SRL: variants seen among roughly 807,000 people sequenced by gnomAD.
The protein encoded by SRL is sarcalumenin.
SRL carries 23 observed loss-of-function variants against 39.5 expected under a neutral mutation model. The ratio of observed to expected loss-of-function variants is 0.58; its 90% CI spans 0.42 to 0.82. The LOEUF (loss-of-function observed/expected upper bound fraction) is 0.82. Among genes scored for constraint, SRL ranks in the 40% least tolerant of loss-of-function variants. The probability of loss-of-function intolerance (pLI) is 0.00; values close to 1 mark genes in which losing one functional copy is unlikely to be tolerated. For synonymous variants in SRL, 272 were observed against 237.4 expected (o/e 1.15, Z -1.34); for missense variants, 592 against 607.8 (o/e 0.97, Z 0.27).
chr16:4,192,348 G>A lies in SRL; in HGVS notation c.1227C>T (p.Pro409=). 2 of 1,614,184 alleles carry A rather than the reference G, an allele frequency of 1.2e-6. No homozygotes were observed. Among genetic ancestry groups the A allele is most frequent in the Non-Finnish European group, 1.7e-6 (2 of 1,180,036 alleles). Residue 409 remains proline, a synonymous_variant, in exon 6 of 6, where the codon CCC becomes CCT. Coordinates refer to ENST00000399609, the MANE Select transcript of SRL (RefSeq NM_001098814.2). The surrounding 1 kb of genome is among the most constrained non-coding windows in gnomAD (Gnocchi z 4.0). ...EAYKDFFGIN[P]ISSFKLLSQQ... Reference sequence around the variant, plus strand: ...GGGAGAGCAGTTTGAAACTGGAAATGGGATTGATGCCGAAGAAGTCCTTAT... The same window carrying A: ...GGGAGAGCAGTTTGAAACTGGAAATAGGATTGATGCCGAAGAAGTCCTTAT...
rs2052081085 is a variant in SRL at position 4,192,552 on chromosome 16, G to A, written c.1023C>T (p.Arg341=). 6.2e-7 allele frequency: 1 copy of A among 1,614,198 alleles called. No homozygotes were observed. The highest frequency in any genetic ancestry group is 8.5e-7 in the Non-Finnish European group (1 of 1,180,036). The change falls in exon 6 of 6, where the codon CGC becomes CGT. Residue 341 remains arginine (R), a synonymous_variant. Coordinates refer to ENST00000399609, the MANE Select transcript of SRL (RefSeq NM_001098814.2). The surrounding 1 kb of genome is among the most constrained non-coding windows in gnomAD (Gnocchi z 4.0). ...AGCGGTCAACCAGGAGGGCGTGGATGCGGACCCGGATGGCGTGCTGGCGGA... is the reference window on the plus strand; with the variant it reads ...AGCGGTCAACCAGGAGGGCGTGGATACGGACCCGGATGGCGTGCTGGCGGA... ...AFIRQHAIRV[R]IHALLVDRYL...
chr16:4,220,445 AG>A (rs1411558750), intron 1 of SRL, among the ~76,000 whole-genome samples: 10 of 150,464 alleles, frequency 6.6e-5, no homozygotes, highest in Non-Finnish European at 1.0e-4. Flanking sequence ...ACACTGTCCT[AG>A]AAAAAAAAAA....
chr16:4,238,734 C>A (rs910607652), intron 1 of SRL, among the ~76,000 whole-genome samples: 2 of 151,866 alleles, frequency 1.3e-5, no homozygotes, highest in African/African-American at 4.8e-5. Flanking sequence ...GTGATCCTCC[C>A]CCCTCGGCCT....
chr16:4,194,389 A>C (rs552027127), intron 5 of SRL, among the ~76,000 whole-genome samples: 74 of 152,244 alleles, frequency 4.9e-4, no homozygotes, highest in Admixed American at 3.1e-3. Context: ...CTCTCATGTA[A>C]GTGAAGTCAG....
intron 1 of SRL, among the ~76,000 whole-genome samples, chr16:4,220,984 CA>C (rs139070979): frequency 4.6e-5 from 7 of 151,308 alleles, no homozygotes; most frequent in African/African-American, 1.5e-4. Context: ...GATCCTGTCT[CA>C]AAAAAAACCC....
intron 1 of SRL, among the ~76,000 whole-genome samples, chr16:4,220,916 T>C (rs1254518536): frequency 6.6e-6 from 1 of 151,518 alleles, no homozygotes; most frequent in Non-Finnish European, 1.5e-5. Flanking sequence ...AGCCCAGGAG[T>C]TCTAGGCTGC....
At chr16:4,199,038 T>C (rs1047820200) in intron 3 of SRL, among the ~76,000 whole-genome samples, 1 of 152,152 alleles carries the variant, frequency 6.6e-6, no homozygotes, top group Non-Finnish European at 1.5e-5. Flanking sequence ...CCAGCTCTTC[T>C]CTGGACTACA....
chr16:4,203,396 C>T (rs995307962), intron 2 of SRL, 135 bp from the exon 3 acceptor site: 13 of 669,764 alleles, frequency 1.9e-5, no homozygotes, highest in Admixed American at 1.2e-4. Flanking sequence ...TGCAGCCCAG[C>T]GACTGTGCAA....
Position 4,190,671 on chromosome 16 carries a change from G to A in SRL, c.*1482C>T, listed in dbSNP as rs1050390880. On this transcript the variant is annotated 3_prime_UTR_variant, in exon 6 of 6. Coordinates refer to ENST00000399609, the MANE Select transcript of SRL (RefSeq NM_001098814.2). ...CATACACACATATTCACACTTATTG[G>A]TATTGAAGGCCCTGGCTTTCCTGCG... 7.6e-6 allele frequency: 3 copies of A among 393,244 alleles called. No homozygotes were observed. The highest frequency in any genetic ancestry group is 6.2e-5 in the African/African-American group (3 of 48,510). The allele number at this position is 393,244 out of a possible 1,614,324, so 24.4% of individuals were successfully genotyped here.
intron 1 of SRL, among the ~76,000 whole-genome samples, chr16:4,228,948 G>A (rs1480496433): frequency 6.6e-6 from 1 of 151,984 alleles, no homozygotes. Context: ...TCTAGTGGGG[G>A]ACCCCTCCTT....
intron 1 of SRL, among the ~76,000 whole-genome samples, chr16:4,235,863 C>T (rs964085996): frequency 2.0e-5 from 3 of 152,186 alleles, no homozygotes; most frequent in Non-Finnish European, 2.9e-5. Context: ...CCGAGGTGAG[C>T]GGATCTCGAG....
chr16:4,212,431 A>G (rs577165256), intron 1 of SRL, among the ~76,000 whole-genome samples: 1 of 152,242 alleles, frequency 6.6e-6, no homozygotes, highest in East Asian at 1.9e-4. Context: ...CTTCCATCGC[A>G]TGACATCTCA....
At chr16:4,223,105 G>A (rs1479014880) in intron 1 of SRL, among the ~76,000 whole-genome samples, 1 of 151,622 alleles carries the variant, frequency 6.6e-6, no homozygotes, top group African/African-American at 2.4e-5. Context: ...GGTGACGGGC[G>A]CCTGTAGTCC....
chr16:4,199,364 C>CTTTTTTTT (rs71139622), intron 3 of SRL, among the ~76,000 whole-genome samples: 4 of 84,644 alleles, frequency 4.7e-5, no homozygotes, highest in Non-Finnish European at 6.8e-5. Context: ...TATTCCCCAT[C>CTTTTTTTT]TTTTTTTTTT....
At chr16:4,224,290 A>G (rs2052562980) in intron 1 of SRL, among the ~76,000 whole-genome samples, 1 of 152,042 alleles carries the variant, frequency 6.6e-6, no homozygotes, top group African/African-American at 2.4e-5. Flanking sequence ...AACCCTGCCC[A>G]CCCCTCAGAC....
chr16:4,212,902 C>A (rs2052411504), intron 1 of SRL, among the ~76,000 whole-genome samples: 1 of 152,156 alleles, frequency 6.6e-6, no homozygotes. Flanking sequence ...AACCAAATGC[C>A]CTGATTTTGT....
intron 1 of SRL, among the ~76,000 whole-genome samples, chr16:4,213,866 T>A (rs186044955): frequency 9.9e-5 from 15 of 152,284 alleles, no homozygotes; most frequent in Admixed American, 9.8e-4. Flanking sequence ...GTTGTTAACC[T>A]CTCTTGAAAT....
At chr16:4,210,486 C>CTTTTTTTTTTTTT (rs555999418) in intron 1 of SRL, among the ~76,000 whole-genome samples, 9 of 104,014 alleles carry the variant, frequency 8.7e-5, no homozygotes, top group African/African-American at 2.0e-4. Context: ...TTACTCATAT[C>CTTTTTTTTTTTTT]TTTTTTTTTT....
intron 1 of SRL, among the ~76,000 whole-genome samples, chr16:4,240,546 C>T (rs556214978): frequency 1.3e-5 from 2 of 152,112 alleles, no homozygotes; most frequent in Non-Finnish European, 2.9e-5. Flanking sequence ...CTGTGGGACC[C>T]AGGAAGGAAA....
Sources: gnomAD v4.1 joint callset for allele counts (sites outside exome capture counted in the v4.1 genomes callset) on GRCh38, gnomAD v4.1.1 for gene constraint, Gnocchi (gnomAD v3.1) non-coding constraint, MANE v1.5 for transcripts, NCBI Gene and HGNC (gene_info 2026-07-23, HGNC 2026-07-21) for gene names.